Variants in GPC5 observed in about 807,000 individuals in gnomAD.
GPC5 encodes glypican-5.
GPC5 carries 47 observed loss-of-function variants against 53.9 expected under a neutral mutation model. That is an observed-to-expected ratio of 0.87 (90% CI 0.69 to 1.11). GPC5 has a LOEUF of 1.11. GPC5 is among the 50% of genes most tolerant of loss of function. GPC5 has a pLI of 0.00. For missense variants in GPC5, 748 were observed against 713.1 expected, an observed-to-expected ratio of 1.05 and a Z score of -0.56; for synonymous variants, 286 against 263.3, an observed-to-expected ratio of 1.09 and a Z score of -0.84.
intron 6 of GPC5, among the ~76,000 whole-genome samples, chr13:92,016,446 G>A (rs1269503560): frequency 6.6e-6 from 1 of 152,116 alleles, no homozygotes; most frequent in African/African-American, 2.4e-5. Context: ...TAGTGACCCT[G>A]TAATTGTTAT....
intron 7 of GPC5, among the ~76,000 whole-genome samples, chr13:92,438,197 C>A (rs888315290): frequency 4.6e-5 from 7 of 151,600 alleles, no homozygotes; most frequent in African/African-American, 1.7e-4. Flanking sequence ...CAATAAAATA[C>A]GAGCTGTATA....
At chr13:92,568,302 T>C (rs1882920753) in intron 7 of GPC5, among the ~76,000 whole-genome samples, 1 of 152,222 alleles carries the variant, frequency 6.6e-6, no homozygotes. Context: ...GAGAAAATTC[T>C]AAGTATGCCT....
At chr13:92,152,496 T>C (rs1159142604) in intron 7 of GPC5, among the ~76,000 whole-genome samples, 3 of 152,160 alleles carry the variant, frequency 2.0e-5, no homozygotes, top group Non-Finnish European at 4.4e-5. Context: ...AGGTAGTTTT[T>C]TAAAAATGCT....
At chr13:92,526,135 C>T (rs1345800602) in intron 7 of GPC5, among the ~76,000 whole-genome samples, 5 of 152,100 alleles carry the variant, frequency 3.3e-5, no homozygotes, top group African/African-American at 1.2e-4. Context: ...ATTCAACAAA[C>T]TTTGTTTTGC....
chr13:92,091,340 CT>C (rs2041378714), intron 6 of GPC5, among the ~76,000 whole-genome samples: 1 of 152,042 alleles, frequency 6.6e-6, no homozygotes, highest in South Asian at 2.1e-4. Context: ...TTTAATATTT[CT>C]TTTAAAAGTT....
At chr13:91,639,569 T>C (rs756617797) in intron 2 of GPC5, among the ~76,000 whole-genome samples, 1 of 152,190 alleles carries the variant, frequency 6.6e-6, no homozygotes, top group Non-Finnish European at 1.5e-5. Context: ...CTTACTCTAA[T>C]TGAGTCAATT....
At chr13:92,225,759 A>T (rs1237655914) in intron 7 of GPC5, among the ~76,000 whole-genome samples, 5 of 152,272 alleles carry the variant, frequency 3.3e-5, no homozygotes, top group African/African-American at 1.2e-4. Context: ...CCAAAAAAAA[A>T]ATGCCCTTTA....
At chr13:91,585,614 A>C (rs1462097376) in intron 2 of GPC5, among the ~76,000 whole-genome samples, 1 of 152,140 alleles carries the variant, frequency 6.6e-6, no homozygotes. Flanking sequence ...GACCCAAAAT[A>C]GTGGTTGTGT....
chr13:92,144,537 C>T (rs962791995), intron 6 of GPC5, among the ~76,000 whole-genome samples: 1 of 152,074 alleles, frequency 6.6e-6, no homozygotes, highest in Non-Finnish European at 1.5e-5. Flanking sequence ...AACAAAGGAT[C>T]CTCTAGACAA....
chr13:92,427,269 A>T (rs1876877156), intron 7 of GPC5, among the ~76,000 whole-genome samples: 1 of 150,030 alleles, frequency 6.7e-6, no homozygotes. Context: ...CTGTTTTTAA[A>T]ACCTAACTCC....
intron 7 of GPC5, among the ~76,000 whole-genome samples, chr13:92,428,185 C>T (rs2139370782): frequency 6.6e-6 from 1 of 152,244 alleles, no homozygotes; most frequent in East Asian, 1.9e-4. Flanking sequence ...ATGGCGGACA[C>T]ATGGTCTCTA....
intron 7 of GPC5, among the ~76,000 whole-genome samples, chr13:92,264,878 C>CTGTGTGTGTGTG (rs71815584): frequency 1.1e-4 from 12 of 104,764 alleles, no homozygotes; most frequent in East Asian, 2.9e-4. Context: ...CTCTCTCTCT[C>CTGTGTGTGTGTG]TGTGTGTGTG....
intron 7 of GPC5, among the ~76,000 whole-genome samples, chr13:92,749,586 C>A (rs1889327999): frequency 6.6e-6 from 1 of 151,850 alleles, no homozygotes; most frequent in Admixed American, 6.6e-5. Context: ...TCTGACAAAC[C>A]TTTTTAATGT....
At chr13:91,611,465 C>T (rs1355381987) in intron 2 of GPC5, among the ~76,000 whole-genome samples, 4 of 152,156 alleles carry the variant, frequency 2.6e-5, no homozygotes, top group South Asian at 2.1e-4. Context: ...CCCTCAGATT[C>T]GGAATCCAGT....
chr13:92,453,123 C>T (rs1878131824), intron 7 of GPC5, among the ~76,000 whole-genome samples: 1 of 152,096 alleles, frequency 6.6e-6, no homozygotes, highest in South Asian at 2.1e-4. Flanking sequence ...TTCATTCATT[C>T]CTCACATTCT....
intron 6 of GPC5, among the ~76,000 whole-genome samples, chr13:92,015,565 G>T (rs2040699412): frequency 6.6e-6 from 1 of 152,084 alleles, no homozygotes; most frequent in African/African-American, 2.4e-5. Flanking sequence ...GTTTTTATTT[G>T]TTATTGAGAG....
chr13:92,526,263 T>TA (rs1278069108), intron 7 of GPC5, among the ~76,000 whole-genome samples: 1 of 152,040 alleles, frequency 6.6e-6, no homozygotes, highest in African/African-American at 2.4e-5. Flanking sequence ...AAAAATATGA[T>TA]AAATGTTGAC....
At chr13:92,764,854 G>T (rs1360924182) in intron 7 of GPC5, among the ~76,000 whole-genome samples, 2 of 152,108 alleles carry the variant, frequency 1.3e-5, no homozygotes, top group South Asian at 2.1e-4. Flanking sequence ...ATTTTATGGG[G>T]AAAGGGTGGA....
At chr13:92,725,708 G>A (rs1888627495) in intron 7 of GPC5, among the ~76,000 whole-genome samples, 1 of 151,248 alleles carries the variant, frequency 6.6e-6, no homozygotes, top group African/African-American at 2.4e-5. Context: ...CAAAAAATTG[G>A]GCATTACTTT....
Sources: gnomAD v4.1 joint callset for allele counts (sites outside exome capture counted in the v4.1 genomes callset) on GRCh38, gnomAD v4.1.1 for gene constraint, MANE v1.5 for transcripts, NCBI Gene and HGNC (gene_info 2026-07-23, HGNC 2026-07-21) for gene names.